The following NEBL variants were observed in gnomAD, a reference collection of about 807,000 sequenced individuals.
NEBL encodes nebulette, also known as LIM and SH3 protein 2.
NEBL carries 122 observed loss-of-function variants against 140.2 expected under a neutral mutation model. The observed-to-expected ratio is 0.87, with a 90% CI of 0.75 to 1.01. The LOEUF is 1.01. NEBL is among the 50% of genes least tolerant of loss of function. NEBL has a pLI of 0.00. For missense variants in NEBL, 1,365 were observed against 1,231.3 expected, an observed-to-expected ratio of 1.11 and a Z score of -1.62; for synonymous variants, 436 against 398.9, an observed-to-expected ratio of 1.09 and a Z score of -1.11.
In NEBL at chr10:21,190,316, C is replaced by CAA. The variant is rs35446351; in HGVS notation, n.349-17841_349-17840dup. 9.7e-3 allele frequency among the ~76,000 whole-genome samples: 1,399 copies of CAA among 144,130 alleles called. 22 individuals carry two copies. The highest frequency in any genetic ancestry group is 0.033 in the African/African-American group (1,323 of 39,500). The allele number at this position is 144,130 out of a possible 152,430, so 94.6% of individuals were successfully genotyped here. On this transcript the variant is annotated intron_variant and non_coding_transcript_variant, in intron 3 of 8. Transcript: ENST00000675702. ...GCAATATAACAAGACCCTGTGCCTA[C>CAA]AAAAAAAAAAAATGTTTAATTATCC... is the stretch of plus-strand genomic sequence containing the variant.
chr10:21,210,213 G>A (rs1432395054), intron 3 of NEBL, among the ~76,000 whole-genome samples: 1 of 152,102 alleles, frequency 6.6e-6, no homozygotes, highest in Non-Finnish European at 1.5e-5. Context: ...ACAACATGGT[G>A]AAACCCTGTC....
chr10:21,067,736 G>A (rs1387970750), intron 2 of NEBL, among the ~76,000 whole-genome samples: 2 of 152,202 alleles, frequency 1.3e-5, no homozygotes, highest in Non-Finnish European at 2.9e-5. Context: ...CAGCACTTTG[G>A]GAGGCTGAGG....
intron 27 of NEBL, 40 bp downstream of exon 27, chr10:20,787,162 G>A (rs1416438228): frequency 1.4e-6 from 2 of 1,439,558 alleles, no homozygotes; most frequent in Non-Finnish European, 1.9e-6. Flanking sequence ...GGGGAAATGG[G>A]AAGACCAGCT....
intron 12 of NEBL, among the ~76,000 whole-genome samples, chr10:20,842,823 C>T (rs1328031359): frequency 1.3e-5 from 2 of 151,976 alleles, no homozygotes; most frequent in Non-Finnish European, 1.5e-5. Context: ...AAAAGTATTC[C>T]TCCCGTTTAG....
intron 1 of NEBL, among the ~76,000 whole-genome samples, chr10:21,264,585 G>C (rs974673761): frequency 1.3e-5 from 2 of 151,434 alleles, no homozygotes; most frequent in African/African-American, 4.9e-5. Flanking sequence ...GAAAAAAAAA[G>C]AGTGATGATT....
At chr10:20,907,291 T>G (rs116378787) in intron 4 of NEBL, among the ~76,000 whole-genome samples, 3,186 of 152,232 alleles carry the variant, frequency 0.021, 106 homozygotes, top group African/African-American at 0.073. Context: ...GTTTAAATTT[T>G]TATTATAAAT....
chr10:21,059,986 T>C (rs976895935), intron 2 of NEBL, among the ~76,000 whole-genome samples: 2 of 152,238 alleles, frequency 1.3e-5, no homozygotes, highest in African/African-American at 4.8e-5. Context: ...ATTGGGGTAC[T>C]GAGACATTAA....
At chr10:21,013,619 T>A (rs1838436968) in intron 3 of NEBL, among the ~76,000 whole-genome samples, 1 of 152,236 alleles carries the variant, frequency 6.6e-6, no homozygotes, top group Admixed American at 6.5e-5. Flanking sequence ...GGCTCACGCC[T>A]GTAATCCTAC....
chr10:21,077,330 C>T (rs759071596), intron 2 of NEBL, among the ~76,000 whole-genome samples: 1 of 152,146 alleles, frequency 6.6e-6, no homozygotes, highest in Non-Finnish European at 1.5e-5. Context: ...GCTGGCCGGG[C>T]GCAGTGGCTC....
chr10:21,157,143 A>G (rs1024611406), intron 2 of NEBL, among the ~76,000 whole-genome samples: 7 of 152,222 alleles, frequency 4.6e-5, no homozygotes, highest in African/African-American at 1.7e-4. Flanking sequence ...TCACAAAGAT[A>G]TGCATGTCAA....
chr10:21,258,900 G>A (rs1842699719), intron 1 of NEBL, among the ~76,000 whole-genome samples: 1 of 152,026 alleles, frequency 6.6e-6, no homozygotes, highest in African/African-American at 2.4e-5. Context: ...CCTGCATTGG[G>A]TCAGGCAATG....
At chr10:21,035,982 G>A (rs781372699) in intron 2 of NEBL, among the ~76,000 whole-genome samples, 2 of 151,986 alleles carry the variant, frequency 1.3e-5, no homozygotes, top group African/African-American at 4.8e-5. Flanking sequence ...GGCCAACATG[G>A]TGAAATCCCA....
intron 5 of NEBL, among the ~76,000 whole-genome samples, chr10:20,880,427 G>A (rs140605195): frequency 7.9e-4 from 121 of 152,236 alleles, no homozygotes; most frequent in African/African-American, 2.8e-3. Flanking sequence ...TCCTTCTGTG[G>A]GCCATTGATT....
intron 3 of NEBL, among the ~76,000 whole-genome samples, chr10:20,962,085 T>C (rs1836077313): frequency 6.6e-6 from 1 of 152,192 alleles, no homozygotes; most frequent in African/African-American, 2.4e-5. Flanking sequence ...ATCAGACTAC[T>C]TGATGCATGA....
At chr10:21,189,514 G>C (rs1013021340) in intron 3 of NEBL, among the ~76,000 whole-genome samples, 5 of 152,074 alleles carry the variant, frequency 3.3e-5, no homozygotes, top group African/African-American at 1.2e-4. Flanking sequence ...TCCCAGGCTG[G>C]AGTGCAGGGG....
At chr10:20,961,649 C>G (rs1836055199) in intron 4 of NEBL, 2 of 1,479,792 alleles carry the variant, frequency 1.4e-6, no homozygotes, top group Non-Finnish European at 1.9e-6. Flanking sequence ...AGCCATCATG[C>G]TATTGAATAA....
intron 3 of NEBL, among the ~76,000 whole-genome samples, chr10:21,238,898 A>C (rs1001564113): frequency 6.6e-6 from 1 of 152,074 alleles, no homozygotes; most frequent in Non-Finnish European, 1.5e-5. Context: ...AGTTACCAAG[A>C]AAACAGACGC....
At chr10:21,131,642 C>A (rs890954627) in intron 2 of NEBL, among the ~76,000 whole-genome samples, 6 of 141,808 alleles carry the variant, frequency 4.2e-5, no homozygotes, top group African/African-American at 5.2e-5. Context: ...GTTTTCAAAT[C>A]CATGTAGAAC....
chr10:21,008,500 A>T (rs1271080693), intron 3 of NEBL, among the ~76,000 whole-genome samples: 1 of 152,188 alleles, frequency 6.6e-6, no homozygotes, highest in Admixed American at 6.5e-5. Flanking sequence ...ACATGAATAG[A>T]CAATTCTCAA....
Sources: gnomAD v4.1 joint callset for allele counts (sites outside exome capture counted in the v4.1 genomes callset) on GRCh38, gnomAD v4.1.1 for gene constraint, MANE v1.5 for transcripts, NCBI Gene and HGNC (gene_info 2026-07-23, HGNC 2026-07-21) for gene names.